Variants in SUCLG2 observed in about 807,000 individuals in gnomAD.
SUCLG2 encodes the protein succinate--CoA ligase [GDP-forming] subunit beta, mitochondrial.
SUCLG2 carries 42 observed loss-of-function variants against 47.9 expected under a neutral mutation model. The ratio of observed to expected loss-of-function variants is 0.88; its 90% CI spans 0.69 to 1.14. The LOEUF (loss-of-function observed/expected upper bound fraction) is 1.14, where lower values mean the gene tolerates loss of function less well. Ranked by LOEUF, SUCLG2 falls within the 50% of genes most tolerant of loss-of-function variation. The pLI, the probability that SUCLG2 is intolerant of heterozygous loss-of-function variation, is 0.00. For synonymous variants in SUCLG2, 195 were observed against 197.3 expected (o/e 0.99, Z 0.10); for missense variants, 571 against 525.9 (o/e 1.09, Z -0.84).
intron 10 of SUCLG2, among the ~76,000 whole-genome samples, chr3:67,395,510 C>A (rs191423036): frequency 0.01 from 1,527 of 152,258 alleles, 31 homozygotes; most frequent in African/African-American, 0.034. Flanking sequence ...CAGGAGCACC[C>A]AGATTCATAA....
chr3:67,436,711 A>G (rs1703633113), intron 9 of SUCLG2, among the ~76,000 whole-genome samples: 1 of 152,180 alleles, frequency 6.6e-6, no homozygotes, highest in African/African-American at 2.4e-5. Context: ...TTTTGTATAA[A>G]CATCTCATTT....
intron 1 of SUCLG2, among the ~76,000 whole-genome samples, chr3:67,622,815 G>C (rs1186507637): frequency 6.6e-6 from 1 of 152,206 alleles, no homozygotes; most frequent in East Asian, 1.9e-4. Context: ...GAGGCCTGAA[G>C]TTACAAGAGT....
intron 2 of SUCLG2, among the ~76,000 whole-genome samples, chr3:67,558,144 C>T (rs1168857604): frequency 2.0e-5 from 3 of 152,080 alleles, no homozygotes; most frequent in Non-Finnish European, 4.4e-5. Flanking sequence ...GCAATTACAT[C>T]ATGCTGAGTG....
chr3:67,372,452 C>G (rs190152163), downstream of SUCLG2, among the ~76,000 whole-genome samples: 4 of 152,156 alleles, frequency 2.6e-5, no homozygotes, highest in Middle Eastern at 3.4e-3. Context: ...GACATACTTA[C>G]TAGCAAGGAT....
intron 1 of SUCLG2, among the ~76,000 whole-genome samples, chr3:67,632,030 T>G (rs1700934745): frequency 6.6e-6 from 1 of 152,218 alleles, no homozygotes; most frequent in African/African-American, 2.4e-5. Flanking sequence ...AGTAATCGTG[T>G]TTCCAGAATA....
intron 10 of SUCLG2, among the ~76,000 whole-genome samples, chr3:67,369,387 T>C (rs746004690): frequency 1.7e-4 from 26 of 152,200 alleles, no homozygotes; most frequent in Non-Finnish European, 3.1e-4. Context: ...CTGTTTCTTG[T>C]TTTCTTGGTC....
chr3:67,626,493 C>A (rs1700832133), intron 1 of SUCLG2, among the ~76,000 whole-genome samples: 1 of 152,060 alleles, frequency 6.6e-6, no homozygotes, highest in African/African-American at 2.4e-5. Flanking sequence ...TCACTGGTGA[C>A]AGGATGGTCT....
At chr3:67,408,872 T>G in intron 9 of SUCLG2, 1 of 1,462,910 alleles carries the variant, frequency 6.8e-7, no homozygotes. Flanking sequence ...TACTGTAAAG[T>G]CCATGTTCGT....
At chr3:67,390,800 G>A (rs1318356418) in intron 10 of SUCLG2, among the ~76,000 whole-genome samples, 3 of 152,114 alleles carry the variant, frequency 2.0e-5, no homozygotes, top group Non-Finnish European at 2.9e-5. Context: ...TTGGCCAAAC[G>A]CAGTAAACAA....
intron 4 of SUCLG2, among the ~76,000 whole-genome samples, chr3:67,525,551 C>T (rs1454051033): frequency 6.6e-6 from 1 of 152,108 alleles, no homozygotes; most frequent in Non-Finnish European, 1.5e-5. Flanking sequence ...AAAAATGGTG[C>T]AGGAGTAATT....
chr3:67,581,544 A>G (rs1707877965), intron 2 of SUCLG2, among the ~76,000 whole-genome samples: 1 of 152,220 alleles, frequency 6.6e-6, no homozygotes, highest in South Asian at 2.1e-4. Context: ...GTATTTACTG[A>G]GCACTTTCCT....
At chr3:67,582,869 A>G (rs2253041) in intron 2 of SUCLG2, among the ~76,000 whole-genome samples, 18 of 151,704 alleles carry the variant, frequency 1.2e-4, no homozygotes, top group East Asian at 3.9e-4. Flanking sequence ...CCCCTCCCCC[A>G]CCAAAAAAAA....
Position 67,375,386 on chromosome 3 carries a change from T to C in SUCLG2, c.*358A>G, listed in dbSNP as rs1702014228. ...GTTTTTCTTTTTCATTATGTAGGAT[T>C]AGATGCCCACCAAAATTCTTGTAAA... On this transcript the variant is annotated 3_prime_UTR_variant, in exon 11 of 11. Transcript: ENST00000307227. 1.0e-6 allele frequency: 1 copy of C among 994,060 alleles called. No individual in the cohort carries two copies. Among genetic ancestry groups the C allele is most frequent in the African/African-American group, 1.7e-5 (1 of 57,530 alleles). The allele number at this position is 994,060 out of a possible 1,614,324, so 61.6% of individuals were successfully genotyped here. A position where few individuals can be genotyped will look rare whatever the true frequency, so the allele number is the denominator to read the frequency against.
chr3:67,478,658 A>G (rs1041605816), intron 9 of SUCLG2, among the ~76,000 whole-genome samples: 2 of 152,228 alleles, frequency 1.3e-5, no homozygotes, highest in Admixed American at 1.3e-4. Context: ...ATGTAAATCC[A>G]ACTATTCAGG....
In SUCLG2 at chr3:67,400,596, C is replaced by T. The variant is rs374967417; in HGVS notation, c.1183+135G>A. ...TGCTAGAGGCCCAGGGAAGTCCTGCCGTACTGTGTTTGTTTCATCTTACAC... is the reference window on the plus strand; with the variant it reads ...TGCTAGAGGCCCAGGGAAGTCCTGCTGTACTGTGTTTGTTTCATCTTACAC... On this transcript the variant is annotated intron_variant, in intron 10 of 10. Coordinates refer to ENST00000307227, the MANE Select transcript of SUCLG2 (RefSeq NM_003848.4). 17 of 1,250,616 alleles carry T rather than the reference C, an allele frequency of 1.4e-5. No individual in the cohort carries two copies. The African/African-American group carries it at 1.4e-4, about 10-fold the overall frequency. 77.5% of individuals were successfully genotyped at this position (1,250,616 alleles called of 1,614,324 possible).
intron 10 of SUCLG2, among the ~76,000 whole-genome samples, chr3:67,385,599 C>T (rs547618078): frequency 6.6e-6 from 1 of 152,336 alleles, no homozygotes; most frequent in Non-Finnish European, 1.5e-5. Flanking sequence ...TCATCCTCTG[C>T]TCCTTGGGTT....
intron 2 of SUCLG2, among the ~76,000 whole-genome samples, chr3:67,602,109 G>C (rs1222806700): frequency 6.6e-6 from 1 of 152,164 alleles, no homozygotes; most frequent in Admixed American, 6.5e-5. Flanking sequence ...GGCATGAAGA[G>C]ATCTGGTGAC....
At chr3:67,645,977 A>T (rs1701183439) in intron 1 of SUCLG2, among the ~76,000 whole-genome samples, 1 of 151,136 alleles carries the variant, frequency 6.6e-6, no homozygotes, top group African/African-American at 2.5e-5. Context: ...GATAAGGAGA[A>T]AACCTTAATA....
intron 9 of SUCLG2, among the ~76,000 whole-genome samples, chr3:67,476,000 T>C (rs1268689553): frequency 1.3e-5 from 2 of 152,006 alleles, no homozygotes; most frequent in Non-Finnish European, 2.9e-5. Context: ...TCTCTCTCTC[T>C]CTCTCTCTCT....
Sources: allele counts gnomAD v4.1 joint callset (sites outside exome capture counted in the v4.1 genomes callset), GRCh38; gene constraint gnomAD v4.1.1; transcripts MANE v1.5; gene names NCBI Gene and HGNC (gene_info 2026-07-23, HGNC 2026-07-21).